The following TTC22 variants were observed in gnomAD, a reference collection of about 807,000 sequenced individuals.
The protein encoded by TTC22 is tetratricopeptide repeat domain 22.
A neutral mutation model predicts 48.2 loss-of-function variants in TTC22; 42 were observed. The ratio of observed to expected loss-of-function variants is 0.87; its 90% CI spans 0.68 to 1.13. The LOEUF is 1.13. Among genes scored for constraint, TTC22 ranks in the 50% most tolerant of loss-of-function variants. The pLI, the probability that TTC22 is intolerant of heterozygous loss-of-function variation, is 0.00. For synonymous variants in TTC22, 345 were observed against 365.5 expected (o/e 0.94, Z 0.64); for missense variants, 784 against 807.0 (o/e 0.97, Z 0.34).
intron 1 of TTC22, among the ~76,000 whole-genome samples, 153 bp from the exon 2 acceptor site, chr1:54,788,250 CCT>C (rs1437777698): frequency 6.6e-6 from 1 of 152,172 alleles, no homozygotes; most frequent in Non-Finnish European, 1.5e-5. Context: ...TGGTTCTGCC[CCT>C]GACTGGCTGG....
At chr1:54,783,919 T>C (rs1646281299) in intron 5 of TTC22, among the ~76,000 whole-genome samples, 1 of 152,208 alleles carries the variant, frequency 6.6e-6, no homozygotes. Context: ...GGAGGATCAC[T>C]TGATCCCAGG....
chr1:54,784,538 A>G (rs1472152579), intron 5 of TTC22: 40 of 1,013,624 alleles, frequency 3.9e-5, no homozygotes, highest in Non-Finnish European at 4.4e-5. Flanking sequence ...AAATCAGACC[A>G]TGAACTTGAA....
Position 54,781,409 on chromosome 1 carries a change from T to TGGCGCA in TTC22, c.1538_1543dup (p.Leu513_Arg514dup). On this transcript the variant is annotated inframe_insertion, in exon 7 of 7. Coordinates refer to ENST00000371276, the MANE Select transcript of TTC22 (RefSeq NM_001114108.2). ...CCCGCGCCACACGCGCTGCAGCTCC[T>TGGCGCA]GGCGCAGGCGCGCCGCGGGGTACTT... 1 of 1,398,672 alleles carries TGGCGCA rather than the reference T, an allele frequency of 7.1e-7. No individual in the cohort carries two copies. The allele number at this position is 1,398,672 out of a possible 1,614,324, so 86.6% of individuals were successfully genotyped here.
At position 54,801,047 on chromosome 1, in the gene TTC22, G is replaced by A. The variant is rs751835482; in HGVS notation, c.117C>T (p.Ala39=). The A allele has an allele frequency of 3.8e-5, 62 of 1,611,856 alleles. 1 individual carries two copies. The South Asian group carries it at 6.3e-4, about 16-fold the overall frequency. Residue 39 remains alanine, a synonymous_variant, in exon 1 of 7, where the codon GCC becomes GCT. Transcript: ENST00000371276. ...GCTTCAGGTCCCGGGCGCGCTGTGG[G>A]GCCGGCGAGCGCGGCTCGAAGTTCA... ...MQLNFEPRSP[A]PQRARDLKLQ...
intron 5 of TTC22, among the ~76,000 whole-genome samples, chr1:54,783,215 T>C (rs987268952): frequency 6.6e-6 from 1 of 152,228 alleles, no homozygotes; most frequent in African/African-American, 2.4e-5. Context: ...CAGAAGGGAT[T>C]TGCTTATAAG....
Position 54,781,443 on chromosome 1 carries a change from C to T in TTC22, c.1510G>A (p.Ala504Thr). The change falls in exon 7 of 7, where the codon GCC becomes ACC. Residue 504 changes from alanine (A) to threonine (T), a missense_variant. Coordinates refer to ENST00000371276, the MANE Select transcript of TTC22 (RefSeq NM_001114108.2). The part of the protein sequence containing the change: ...GREVDAWLRR[A>T]QDKYPAARLR... ...CGCGCCGCGGGGTACTTGTCCTGGG[C>T]GCGGCGCAGCCAGGCGTCCACCTCG... 2.1e-6 allele frequency: 3 copies of T among 1,444,226 alleles called. No homozygotes were observed. In the South Asian group the frequency reaches 4.2e-5, roughly 20 times the overall value. 89.5% of individuals were successfully genotyped at this position (1,444,226 alleles called of 1,614,324 possible). A position where few individuals can be genotyped will look rare whatever the true frequency, so the allele number is the denominator to read the frequency against.
intron 3 of TTC22, chr1:54,787,303 AC>A (rs1234792802): frequency 2.4e-5 from 13 of 544,286 alleles, no homozygotes; most frequent in Admixed American, 3.5e-5. Flanking sequence ...TCATCGGGGG[AC>A]CTAATTTCAG....
rs200109538 is a variant in TTC22, at chr1:54,787,657, G to A, written c.739+54C>T. On this transcript the variant is annotated intron_variant, in intron 3 of 6. Coordinates refer to ENST00000371276, the MANE Select transcript of TTC22 (RefSeq NM_001114108.2). ...TGCCAGAGGTGGATGCAATGCCAGC[G>A]GGCTGTTGGCAGGGGGCAGAGGCTG... 3.0e-4 allele frequency: 401 copies of A among 1,318,578 alleles called. 1 individual carries two copies. Among genetic ancestry groups the A allele is most frequent in the Admixed American group, 3.2e-4 (18 of 55,562 alleles). 81.7% of individuals were successfully genotyped at this position (1,318,578 alleles called of 1,614,324 possible).
chr1:54,795,214 T>G (rs1646381614), intron 1 of TTC22, among the ~76,000 whole-genome samples: 1 of 152,188 alleles, frequency 6.6e-6, no homozygotes, highest in African/African-American at 2.4e-5. Context: ...CTTCTACATC[T>G]GCAAACAGGG....
rs199878655 is a variant in TTC22 at position 54,787,701 on chromosome 1, G to T, written c.739+10C>A. On this transcript the variant is annotated intron_variant, in intron 3 of 6. Coordinates refer to ENST00000371276, the MANE Select transcript of TTC22 (RefSeq NM_001114108.2). ...GAGGCTGCTGTCCCACCCATCCCCC[G>T]GGTCCCCACCTCGGTGGCGGGGGTC... The T allele has an allele frequency of 6.2e-7, 1 of 1,605,454 alleles. No homozygotes were observed. Among genetic ancestry groups the T allele is most frequent in the Non-Finnish European group, 8.5e-7 (1 of 1,174,838 alleles).
chr1:54,785,620 T>TA (rs1215890314), intron 5 of TTC22: 4 of 437,216 alleles, frequency 9.1e-6, no homozygotes, highest in African/African-American at 8.1e-5. Flanking sequence ...GAGACGAGTC[T>TA]GGGCAACATA....
intron 1 of TTC22, among the ~76,000 whole-genome samples, chr1:54,795,219 A>G (rs1646381631): frequency 6.6e-6 from 1 of 152,212 alleles, no homozygotes; most frequent in South Asian, 2.1e-4. Context: ...ACATCTGCAA[A>G]CAGGGGTGAC....
At position 54,781,533 on chromosome 1, in the gene TTC22, A is replaced by G. The variant is rs1646262715; in HGVS notation, c.1420T>C (p.Cys474Arg). The G allele has an allele frequency of 6.6e-7, 1 of 1,514,892 alleles. No homozygotes were observed. Among genetic ancestry groups the G allele is most frequent in the Non-Finnish European group, 8.8e-7 (1 of 1,138,914 alleles). The allele number at this position is 1,514,892 out of a possible 1,614,324, so 93.8% of individuals were successfully genotyped here. ...AGSSHTDGFG[C>R]LLEALLAQWS... ...TGCGCCAGCAGCGCCTCGAGCAGGC[A>G]GCCGAAGCCGTCGGTGTGGCTGGAG... is the stretch of plus-strand genomic sequence containing the variant. The change falls in exon 7 of 7, where the codon TGC becomes CGC. Residue 474 changes from cysteine to arginine, a missense_variant. By Grantham distance (180) the Cys-to-Arg change is radical (BLOSUM62 -3). Coordinates refer to ENST00000371276, the MANE Select transcript of TTC22 (RefSeq NM_001114108.2).
intron 5 of TTC22, among the ~76,000 whole-genome samples, chr1:54,783,087 C>T (rs957612801): frequency 1.3e-5 from 2 of 152,146 alleles, no homozygotes; most frequent in Non-Finnish European, 2.9e-5. Context: ...CTCCATTTTC[C>T]CCACACTTAG....
intron 5 of TTC22, 126 bp downstream of exon 5, chr1:54,785,857 G>T: frequency 1.2e-6 from 1 of 855,056 alleles, no homozygotes; most frequent in Non-Finnish European, 1.8e-6. Context: ...TTTTTTGATG[G>T]CTCCTAAGCT....
At chr1:54,797,398 C>T (rs1646400592) in intron 1 of TTC22, among the ~76,000 whole-genome samples, 1 of 152,178 alleles carries the variant, frequency 6.6e-6, no homozygotes, top group Non-Finnish European at 1.5e-5. Flanking sequence ...CGCGGTGGCT[C>T]AGCACTTTGG....
intron 1 of TTC22, among the ~76,000 whole-genome samples, chr1:54,790,587 G>T (rs1238773751): frequency 6.6e-6 from 1 of 152,174 alleles, no homozygotes; most frequent in Non-Finnish European, 1.5e-5. Flanking sequence ...ACTTCCCAAA[G>T]CAAAAGGCAG....
At chr1:54,787,411 C>T (rs527893380) in intron 3 of TTC22, 1 of 567,808 alleles carries the variant, frequency 1.8e-6, no homozygotes, top group East Asian at 3.0e-5. Context: ...CTCGACTCCT[C>T]TCCAACAGAG....
chr1:54,784,524 C>T (rs1402474632), intron 5 of TTC22: 1 of 1,008,874 alleles, frequency 9.9e-7, no homozygotes, highest in Non-Finnish European at 1.2e-6. Flanking sequence ...TTCTTGTGAA[C>T]ATTAAATCAG....
Sources: gnomAD v4.1 joint callset for allele counts (sites outside exome capture counted in the v4.1 genomes callset) on GRCh38, gnomAD v4.1.1 for gene constraint, MANE v1.5 for transcripts, NCBI Gene and HGNC (gene_info 2026-07-23, HGNC 2026-07-21) for gene names.